The following TMED3 variants were observed in gnomAD, a reference collection of about 807,000 sequenced individuals.
TMED3 encodes transmembrane p24 trafficking protein 3.
Under a neutral mutation model 15.0 loss-of-function variants are expected in TMED3, and 9 were observed. The ratio of observed to expected loss-of-function variants is 0.60; its 90% CI spans 0.36 to 1.04. TMED3 has a LOEUF of 1.04. Ranked by LOEUF, TMED3 falls within the 50% of genes least tolerant of loss-of-function variation. TMED3 has a pLI of 0.01. For missense variants in TMED3, 267 were observed against 278.9 expected (o/e 0.96, Z 0.30); for synonymous variants, 117 against 121.4 (o/e 0.96, Z 0.24).
chr15:79,377,484 A>G (rs1893446949), intron 2 of TMED3, among the ~76,000 whole-genome samples: 1 of 152,188 alleles, frequency 6.6e-6, no homozygotes, highest in Admixed American at 6.5e-5. Flanking sequence ...CTTCAGATAC[A>G]GATCTGTCAC....
chr15:79,312,598 A>G (rs2058720553), intron 1 of TMED3, among the ~76,000 whole-genome samples: 1 of 152,212 alleles, frequency 6.6e-6, no homozygotes, highest in African/African-American at 2.4e-5. Context: ...GATGGAGGCC[A>G]TTGACCGTGT....
At chr15:79,379,946 A>C (rs1409705799) in intron 2 of TMED3, among the ~76,000 whole-genome samples, 2 of 152,244 alleles carry the variant, frequency 1.3e-5, no homozygotes, top group Non-Finnish European at 2.9e-5. Context: ...TGAATGAAAC[A>C]CACCAAATCT....
At chr15:79,317,923 G>C (rs1443650635) in intron 2 of TMED3, among the ~76,000 whole-genome samples, 1 of 152,232 alleles carries the variant, frequency 6.6e-6, no homozygotes, top group African/African-American at 2.4e-5. Flanking sequence ...TTCTCGTAAA[G>C]TGGGATTCCG....
At chr15:79,312,800 A>C (rs1158710668) in intron 1 of TMED3, among the ~76,000 whole-genome samples, 1 of 152,210 alleles carries the variant, frequency 6.6e-6, no homozygotes, top group African/African-American at 2.4e-5. Context: ...CATTAATAAT[A>C]TATTGTTAAT....
At chr15:79,383,099 A>T (rs1381042793) in intron 2 of TMED3, 2 of 1,409,328 alleles carry the variant, frequency 1.4e-6, no homozygotes, top group Non-Finnish European at 1.9e-6. Context: ...TTGCCTGTAG[A>T]TCGCCAGGTA....
chr15:79,413,284 A>G (rs968936168), exon 3 of TMED3: 5 of 152,240 alleles, frequency 3.3e-5, no homozygotes, highest in African/African-American at 9.6e-5. Context: ...CTGTGGACCC[A>G]AGCTCCCTTC....
At chr15:79,328,813 G>A (rs1475164545) in intron 2 of TMED3, among the ~76,000 whole-genome samples, 2 of 152,172 alleles carry the variant, frequency 1.3e-5, no homozygotes, top group Non-Finnish European at 2.9e-5. Flanking sequence ...TGTAGCCTGG[G>A]GGCAGAGGCC....
At chr15:79,311,541 G>A in intron 1 of TMED3, 124 bp downstream of exon 1, 1 of 1,207,548 alleles carries the variant, frequency 8.3e-7, no homozygotes, top group Non-Finnish European at 1.1e-6. Flanking sequence ...TGCATGGGGT[G>A]GGAGTCCCCG....
intron 2 of TMED3, among the ~76,000 whole-genome samples, chr15:79,343,618 G>T (rs1411294243): frequency 6.6e-6 from 1 of 151,046 alleles, no homozygotes; most frequent in Admixed American, 6.7e-5. Context: ...CTGCTTTGTG[G>T]GTAGTAGACT....
At chr15:79,346,742 C>T (rs1023148720) in intron 2 of TMED3, among the ~76,000 whole-genome samples, 14 of 152,126 alleles carry the variant, frequency 9.2e-5, no homozygotes, top group Admixed American at 2.0e-4. Flanking sequence ...CTATGGCTAG[C>T]GAATTCTCCC....
chr15:79,319,028 A>G (rs1353538533), intron 2 of TMED3, among the ~76,000 whole-genome samples: 1 of 152,236 alleles, frequency 6.6e-6, no homozygotes, highest in Non-Finnish European at 1.5e-5. Context: ...GTGAAAGATG[A>G]TATGTAGCCC....
chr15:79,313,847 A>C lies in TMED3; in HGVS notation c.259A>C (p.Ser87Arg), dbSNP rs1252534539. The C allele has an allele frequency of 8.1e-6, 13 of 1,614,278 alleles. 1 individual carries two copies. In the South Asian group the frequency reaches 1.4e-4, roughly 18 times the overall value. Residue 87 changes from serine (S) to arginine (R), a missense_variant, in exon 2 of 3, where the codon AGC becomes CGC. Physicochemically the swap from Ser to Arg is moderately radical, Grantham distance 110. Transcript: ENST00000299705. The part of the protein sequence containing the change: ...IYRETKKQYD[S>R]FTYRAEVKGV... ...CAGAGAAACGAAGAAGCAGTACGAC[A>C]GCTTCACGTACCGGGCTGAAGTCAA...
chr15:79,390,881 T>C (rs1893687296), intron 2 of TMED3, among the ~76,000 whole-genome samples: 2 of 152,148 alleles, frequency 1.3e-5, no homozygotes, highest in African/African-American at 4.8e-5. Flanking sequence ...AAGGTGTTCA[T>C]AGTAGCCTTG....
chr15:79,313,581 C>T (rs1405882241), intron 1 of TMED3, among the ~76,000 whole-genome samples, 176 bp from the exon 2 acceptor site: 1 of 152,152 alleles, frequency 6.6e-6, no homozygotes, highest in Non-Finnish European at 1.5e-5. Context: ...TGACCACAGC[C>T]AATTTATTTA....
At chr15:79,344,495 C>G (rs370225773) in intron 2 of TMED3, among the ~76,000 whole-genome samples, 2 of 152,182 alleles carry the variant, frequency 1.3e-5, no homozygotes, top group Non-Finnish European at 2.9e-5. Context: ...CCATGACACA[C>G]CACCAAACCC....
rs1355147101 is a variant in TMED3, at chr15:79,317,811, G to GC, written c.417+3807dup. 2.0e-5 allele frequency among the ~76,000 whole-genome samples: 3 copies of GC among 152,184 alleles called. No individual in the cohort carries two copies. In the East Asian group the frequency reaches 5.8e-4, roughly 29 times the overall value. On this transcript the variant is annotated intron_variant, in intron 2 of 2. Coordinates refer to ENST00000299705, the MANE Select transcript of TMED3 (RefSeq NM_007364.4). ...ATGGCGACCTTCTTAACCGAGGCCTGCATCTTCTCTTCCCAGTAGAATTGC... is the reference window on the plus strand; with the variant it reads ...ATGGCGACCTTCTTAACCGAGGCCTGCCATCTTCTCTTCCCAGTAGAATTGC...
At chr15:79,380,008 G>A (rs1893492710) in intron 2 of TMED3, among the ~76,000 whole-genome samples, 2 of 152,160 alleles carry the variant, frequency 1.3e-5, no homozygotes, top group African/African-American at 2.4e-5. Context: ...GTACACTGGA[G>A]AATTCTGGTA....
chr15:79,371,989 T>C (rs1418864746), intron 2 of TMED3, among the ~76,000 whole-genome samples: 2 of 152,230 alleles, frequency 1.3e-5, no homozygotes, highest in Non-Finnish European at 1.5e-5. Context: ...GTTTTCCTTG[T>C]CTCAAAGTTT....
At chr15:79,327,225 C>G (rs1002751304), downstream of TMED3, among the ~76,000 whole-genome samples, 1 of 152,162 alleles carries the variant, frequency 6.6e-6, no homozygotes, top group African/African-American at 2.4e-5. Context: ...GGTCCCTAGC[C>G]CCTTCTGCCA....
Sources: allele counts gnomAD v4.1 joint callset (sites outside exome capture counted in the v4.1 genomes callset), GRCh38; gene constraint gnomAD v4.1.1; transcripts MANE v1.5; gene names NCBI Gene and HGNC (gene_info 2026-07-23, HGNC 2026-07-21).